TRAPPC9: variants seen among roughly 807,000 people sequenced by gnomAD.
TRAPPC9 encodes the protein IKK2 binding protein.
In TRAPPC9, 83 loss-of-function variants were observed where a neutral mutation model predicts 124.0. The observed-to-expected ratio is 0.67, with a 90% CI of 0.56 to 0.80. TRAPPC9 has a LOEUF of 0.80. Among genes scored for constraint, TRAPPC9 ranks in the 30% least tolerant of loss-of-function variants. The pLI, the probability that TRAPPC9 is intolerant of heterozygous loss-of-function variation, is 0.00. For synonymous variants in TRAPPC9, 638 were observed against 617.5 expected, an observed-to-expected ratio of 1.03 and a Z score of -0.49; for missense variants, 1,302 against 1,508.3, an observed-to-expected ratio of 0.86 and a Z score of 2.27.
chr8:140,301,956 T>C (rs1588122508), intron 10 of TRAPPC9, among the ~76,000 whole-genome samples: 1 of 152,352 alleles, frequency 6.6e-6, no homozygotes, highest in South Asian at 2.1e-4. Context: ...ACCAAACTTG[T>C]GTGAGGGAGG....
chr8:139,995,556 A>G (rs2131747183), intron 18 of TRAPPC9, among the ~76,000 whole-genome samples: 1 of 152,252 alleles, frequency 6.6e-6, no homozygotes, highest in South Asian at 2.1e-4. Context: ...CTCCATGTAG[A>G]CACACAGAGG....
intron 9 of TRAPPC9, among the ~76,000 whole-genome samples, chr8:140,316,052 T>C (rs1205679878): frequency 6.6e-6 from 1 of 152,186 alleles, no homozygotes; most frequent in East Asian, 1.9e-4. Flanking sequence ...TTGTCTGTTT[T>C]GGTCTTTAGA....
At chr8:139,866,089 C>T (rs1828514882) in intron 21 of TRAPPC9, among the ~76,000 whole-genome samples, 1 of 143,732 alleles carries the variant, frequency 7.0e-6, no homozygotes. Context: ...TGGCTAAAGA[C>T]CTGGGATCAA....
At chr8:140,343,654 C>T (rs991274301) in intron 9 of TRAPPC9, among the ~76,000 whole-genome samples, 1 of 152,084 alleles carries the variant, frequency 6.6e-6, no homozygotes, top group Non-Finnish European at 1.5e-5. Flanking sequence ...AAAAATACCC[C>T]ACTAGTAATT....
intron 21 of TRAPPC9, among the ~76,000 whole-genome samples, chr8:139,773,491 G>T (rs1270347085): frequency 6.6e-6 from 1 of 152,190 alleles, no homozygotes; most frequent in African/African-American, 2.4e-5. Flanking sequence ...GCGATGATGG[G>T]GTGAGTCCTC....
At chr8:140,455,715 CACCA>C (rs2071635475) in intron 1 of TRAPPC9, among the ~76,000 whole-genome samples, 3 of 152,174 alleles carry the variant, frequency 2.0e-5, no homozygotes, top group Admixed American at 6.5e-5. Flanking sequence ...AGGCGTGAGC[CACCA>C]TGCCTGGCCA....
chr8:140,248,857 T>C (rs7010692), intron 16 of TRAPPC9, among the ~76,000 whole-genome samples: 2,349 of 152,340 alleles, frequency 0.015, 35 homozygotes, highest in African/African-American at 0.044. Context: ...TGCTTTCTGA[T>C]GTTTCATTTA....
chr8:139,861,577 A>G (rs1441301161), intron 21 of TRAPPC9, among the ~76,000 whole-genome samples: 2 of 152,224 alleles, frequency 1.3e-5, no homozygotes, highest in Non-Finnish European at 2.9e-5. Context: ...TGGAGAATCA[A>G]AGAATAAGAG....
intron 17 of TRAPPC9, among the ~76,000 whole-genome samples, chr8:140,176,402 T>C (rs907912832): frequency 6.6e-6 from 1 of 152,210 alleles, no homozygotes; most frequent in Non-Finnish European, 1.5e-5. Flanking sequence ...CAGAATTCCT[T>C]ATGAACAGAA....
intron 9 of TRAPPC9, among the ~76,000 whole-genome samples, chr8:140,324,963 A>G (rs1364031034): frequency 6.6e-6 from 1 of 152,212 alleles, no homozygotes; most frequent in African/African-American, 2.4e-5. Flanking sequence ...GCCACACCAT[A>G]AAACACATCT....
rs561348847 is a variant in TRAPPC9 at position 140,346,521 on chromosome 8, T to C, written c.1495+13529A>G. On this transcript the variant is annotated intron_variant, in intron 9 of 22. Coordinates refer to ENST00000438773, the MANE Select transcript of TRAPPC9 (RefSeq NM_001160372.4). ...ATGCTCAGCTCAAACACCACAATTT[T>C]ACATGCAAAAACCAAGATTTTTAAA... Among the ~76,000 whole-genome samples the C allele has an allele frequency of 8.5e-5, 13 of 152,356 alleles. No individual in the cohort carries two copies. The South Asian group carries it at 2.7e-3, about 32-fold the overall frequency.
rs148291512 is a variant in TRAPPC9 at position 140,049,405 on chromosome 8, G to T, written c.2557-25326C>A. ...GCCAGAGGAAGGGGAGAGCTCCAAG[G>T]TTCCTGCTATTGTACCCGGGCTCCT... is the stretch of plus-strand genomic sequence containing the variant. On this transcript the variant is annotated intron_variant, in intron 17 of 22. Coordinates refer to ENST00000438773, the MANE Select transcript of TRAPPC9 (RefSeq NM_001160372.4). 1.4e-4 allele frequency among the ~76,000 whole-genome samples: 22 copies of T among 152,212 alleles called. No individual in the cohort carries two copies. The East Asian group carries it at 4.1e-3, about 28-fold the overall frequency.
intron 7 of TRAPPC9, among the ~76,000 whole-genome samples, chr8:140,381,005 T>C (rs916665492): frequency 6.6e-6 from 1 of 151,682 alleles, no homozygotes; most frequent in African/African-American, 2.4e-5. Flanking sequence ...AGGAGTTCAA[T>C]ACCAGCCTGG....
intron 17 of TRAPPC9, chr8:140,098,067 C>A (rs2060488079): frequency 6.6e-6 from 1 of 151,992 alleles, no homozygotes; most frequent in Non-Finnish European, 1.5e-5. Context: ...CAGCACCAGG[C>A]AATCCGCAGG....
At chr8:140,388,079 T>C (rs1276156086) in intron 7 of TRAPPC9, among the ~76,000 whole-genome samples, 2 of 151,764 alleles carry the variant, frequency 1.3e-5, no homozygotes, top group East Asian at 1.9e-4. Flanking sequence ...TGTAGGGACA[T>C]GGATGAAGCT....
intron 15 of TRAPPC9, among the ~76,000 whole-genome samples, chr8:140,266,601 G>A (rs1031728976): frequency 3.3e-5 from 5 of 152,030 alleles, no homozygotes; most frequent in African/African-American, 4.8e-5. Flanking sequence ...GCTCATGCCT[G>A]TAATCCCAGC....
chr8:140,006,620 A>C (rs891043976), intron 18 of TRAPPC9, among the ~76,000 whole-genome samples: 2 of 152,276 alleles, frequency 1.3e-5, no homozygotes, highest in Non-Finnish European at 2.9e-5. Flanking sequence ...CAACTAATGA[A>C]TGAACAAAAT....
intron 17 of TRAPPC9, among the ~76,000 whole-genome samples, chr8:140,036,794 A>C (rs989920405): frequency 3.9e-5 from 6 of 152,162 alleles, no homozygotes; most frequent in Non-Finnish European, 7.3e-5. Context: ...GGAAGCTAAG[A>C]TGCCGCGTGT....
At chr8:140,446,311 A>AAAAG (rs2071254897) in intron 2 of TRAPPC9, among the ~76,000 whole-genome samples, 1 of 150,672 alleles carries the variant, frequency 6.6e-6, no homozygotes, top group East Asian at 1.9e-4. Flanking sequence ...AAAAAAAAAA[A>AAAAG]AGCAGACACA....
Sources: gnomAD v4.1 joint callset for allele counts (sites outside exome capture counted in the v4.1 genomes callset) on GRCh38, gnomAD v4.1.1 for gene constraint, MANE v1.5 for transcripts, NCBI Gene and HGNC (gene_info 2026-07-23, HGNC 2026-07-21) for gene names.